The following MYO1E variants were observed in gnomAD, a reference collection of about 807,000 sequenced individuals.
MYO1E encodes the protein myosin IE, also known as unconventional myosin-Ie.
A neutral mutation model predicts 151.1 loss-of-function variants in MYO1E; 68 were observed. The observed-to-expected ratio is 0.45, with a 90% CI of 0.37 to 0.55. The LOEUF is 0.55. Ranked by LOEUF, MYO1E falls within the 20% of genes least tolerant of loss-of-function variation. The pLI is 0.00. For missense variants in MYO1E, 1,363 were observed against 1,389.3 expected, an observed-to-expected ratio of 0.98 and a Z score of 0.30; for synonymous variants, 601 against 501.7, an observed-to-expected ratio of 1.20 and a Z score of -2.64.
At chr15:59,144,533 G>T (rs1044427621) in intron 26 of MYO1E, among the ~76,000 whole-genome samples, 11 of 151,892 alleles carry the variant, frequency 7.2e-5, no homozygotes, top group African/African-American at 2.7e-4. Context: ...GGGCTTAAGC[G>T]ATCCTCCCAC....
chr15:59,243,809 A>AT (rs1359021234), intron 4 of MYO1E, among the ~76,000 whole-genome samples: 10 of 109,800 alleles, frequency 9.1e-5, no homozygotes, highest in Non-Finnish European at 4.9e-5. Context: ...CACTGTGATC[A>AT]TAAGACAAAG....
intron 1 of MYO1E, among the ~76,000 whole-genome samples, chr15:59,281,538 A>T (rs1422022653): frequency 6.6e-6 from 1 of 151,948 alleles, no homozygotes; most frequent in African/African-American, 2.4e-5. Context: ...GGCCTCCGAG[A>T]GGGTTAGGAT....
intron 26 of MYO1E, among the ~76,000 whole-genome samples, chr15:59,150,978 G>A (rs1444466270): frequency 7.8e-6 from 1 of 127,788 alleles, no homozygotes; most frequent in East Asian, 2.6e-4. Context: ...ACTTACCCAA[G>A]ACTGGGGGGT....
chr15:59,372,490 C>A lies in MYO1E; in HGVS notation c.3+8G>T. On this transcript the variant is annotated splice_region_variant and intron_variant, in intron 1 of 27. Transcript: ENST00000288235. Reference sequence around the variant, plus strand: ...CCGGCGTCCTAGGACGCGGCGCGGCCAACTCACCATGGTGACTCGCGCCGC... The same window carrying A: ...CCGGCGTCCTAGGACGCGGCGCGGCAAACTCACCATGGTGACTCGCGCCGC... 1 of 1,539,596 alleles carries A rather than the reference C, an allele frequency of 6.5e-7. No individual in the cohort carries two copies. Among genetic ancestry groups the A allele is most frequent in the Non-Finnish European group, 8.7e-7 (1 of 1,145,132 alleles).
At chr15:59,231,342 G>C (rs3794490) in intron 6 of MYO1E, among the ~76,000 whole-genome samples, 2,469 of 152,274 alleles carry the variant, frequency 0.016, 57 homozygotes, top group East Asian at 0.062. Context: ...AGTGGGAAAT[G>C]ATACCTGGGA....
rs368009581 is a variant in MYO1E at position 59,227,415 on chromosome 15, G to A, written c.642+44C>T. ...GAAGTCTGAGAAATATTTTAATGTA[G>A]AGAAGGGACAGGAAGTGGGTAGGAA... On this transcript the variant is annotated intron_variant, in intron 7 of 27. Transcript: ENST00000288235. 6 of 1,610,794 alleles carry A rather than the reference G, an allele frequency of 3.7e-6. No homozygotes were observed. In the African/African-American group the frequency reaches 5.3e-5, roughly 14 times the overall value.
rs576214703 is a variant in MYO1E, at chr15:59,347,882, T to G, written c.3+24616A>C. On this transcript the variant is annotated intron_variant, in intron 1 of 27. Transcript: ENST00000288235. Reference sequence around the variant, plus strand: ...AGTTCTAGAGAAAATATGTATGTAATTACATAATTTGGGGTTAAGGAAGAC... The same window carrying G: ...AGTTCTAGAGAAAATATGTATGTAAGTACATAATTTGGGGTTAAGGAAGAC... 1.2e-4 allele frequency among the ~76,000 whole-genome samples: 19 copies of G among 152,224 alleles called. 2 individuals carry two copies. The South Asian group carries it at 3.9e-3, about 32-fold the overall frequency.
chr15:59,314,483 A>G (rs1216333039), intron 1 of MYO1E, among the ~76,000 whole-genome samples: 6 of 152,262 alleles, frequency 3.9e-5, no homozygotes, highest in African/African-American at 1.4e-4. Context: ...CATGATGGTT[A>G]ATGCCACCCT....
At chr15:59,141,087 A>G (rs1052503034) in intron 26 of MYO1E, among the ~76,000 whole-genome samples, 2 of 152,322 alleles carry the variant, frequency 1.3e-5, no homozygotes, top group African/African-American at 2.4e-5. Context: ...TTGGTTAATA[A>G]GAGCCATTAG....
intron 2 of MYO1E, 63 bp downstream of exon 2, chr15:59,272,243 A>T: frequency 6.3e-7 from 1 of 1,594,962 alleles, no homozygotes; most frequent in East Asian, 2.2e-5. Context: ...GCATAAAGCC[A>T]CAATTTAACT....
At chr15:59,193,651 C>T (rs1282391892) in intron 17 of MYO1E, among the ~76,000 whole-genome samples, 6 of 152,024 alleles carry the variant, frequency 3.9e-5, no homozygotes, top group Non-Finnish European at 5.9e-5. Flanking sequence ...AAAAGGTGTC[C>T]AGTGGCAAAG....
Position 59,171,757 on chromosome 15 carries a change from C to G in MYO1E, c.2480+140G>C, listed in dbSNP as rs2306790. 0.1 allele frequency: 116,661 copies of G among 1,140,184 alleles called. 6,381 individuals are homozygous for G. The highest frequency in any genetic ancestry group is 0.13 in the Admixed American group (6,863 of 51,980). 70.6% of individuals were successfully genotyped at this position (1,140,184 alleles called of 1,614,324 possible). A position where few individuals can be genotyped will look rare whatever the true frequency, so the allele number is the denominator to read the frequency against. Reference sequence around the variant, plus strand: ...AGACTAGGGAGTCTTCCCTTTGGGACAAAGGGAAATTCCATTCTCTTGATC... The same window carrying G: ...AGACTAGGGAGTCTTCCCTTTGGGAGAAAGGGAAATTCCATTCTCTTGATC... On this transcript the variant is annotated intron_variant, in intron 22 of 27. Transcript: ENST00000288235.
At chr15:59,319,490 G>GAGCTATC (rs1417340307) in intron 1 of MYO1E, among the ~76,000 whole-genome samples, 2 of 144,610 alleles carry the variant, frequency 1.4e-5, no homozygotes, top group Non-Finnish European at 3.0e-5. Context: ...GTTTTAGCCA[G>GAGCTATC]AGCTATCAGG....
chr15:59,301,469 G>GCCCTCATC (rs2080482200), intron 1 of MYO1E, among the ~76,000 whole-genome samples: 1 of 152,196 alleles, frequency 6.6e-6, no homozygotes, highest in Non-Finnish European at 1.5e-5. Flanking sequence ...CTTTTGAGAT[G>GCCCTCATC]CCCTCATCCC....
chr15:59,371,775 G>C (rs2080946414), intron 1 of MYO1E, among the ~76,000 whole-genome samples: 1 of 152,016 alleles, frequency 6.6e-6, no homozygotes, highest in Admixed American at 6.5e-5. Flanking sequence ...GTGTTTACTT[G>C]GCGTCCGGGG....
chr15:59,260,464 T>G (rs1255000587), intron 3 of MYO1E, among the ~76,000 whole-genome samples: 4 of 152,188 alleles, frequency 2.6e-5, no homozygotes, highest in Non-Finnish European at 4.4e-5. Context: ...TCTCTTTTGT[T>G]TGCTTTTTAG....
chr15:59,361,572 C>G (rs1374770747), intron 1 of MYO1E, among the ~76,000 whole-genome samples: 1 of 152,070 alleles, frequency 6.6e-6, no homozygotes, highest in Non-Finnish European at 1.5e-5. Flanking sequence ...GGTTTATAAA[C>G]CTCCTGAAGT....
intron 1 of MYO1E, among the ~76,000 whole-genome samples, chr15:59,330,528 T>C (rs188112835): frequency 9.8e-5 from 15 of 152,330 alleles, no homozygotes; most frequent in African/African-American, 3.4e-4. Flanking sequence ...CCTAAGTCAA[T>C]CTATAGGTAC....
In MYO1E at chr15:59,250,893, G is replaced by T. The variant is rs565582830; in HGVS notation, c.332+5391C>A. Among the ~76,000 whole-genome samples the T allele has an allele frequency of 2.6e-5, 4 of 152,292 alleles. No individual in the cohort carries two copies. The South Asian group carries it at 8.3e-4, about 32-fold the overall frequency. On this transcript the variant is annotated intron_variant, in intron 4 of 27. Coordinates refer to ENST00000288235, the MANE Select transcript of MYO1E (RefSeq NM_004998.4). Reference sequence around the variant, plus strand: ...AAGGATCTGAAGTGGGCATCATCCCGCTTCAGTGCAGGTGGACCTTGCAGT... The same window carrying T: ...AAGGATCTGAAGTGGGCATCATCCCTCTTCAGTGCAGGTGGACCTTGCAGT...
Sources: allele counts gnomAD v4.1 joint callset (sites outside exome capture counted in the v4.1 genomes callset), GRCh38; gene constraint gnomAD v4.1.1; transcripts MANE v1.5; gene names NCBI Gene and HGNC (gene_info 2026-07-23, HGNC 2026-07-21).